ENTPD1: variants seen among roughly 807,000 people sequenced by gnomAD.
The protein encoded by ENTPD1 is ATP diphosphohydrolase.
In ENTPD1, 33 loss-of-function variants were observed where a neutral mutation model predicts 57.0. The ratio of observed to expected loss-of-function variants is 0.58; its 90% CI spans 0.44 to 0.77. The LOEUF (loss-of-function observed/expected upper bound fraction) is 0.77. Ranked by LOEUF, ENTPD1 falls within the 30% of genes least tolerant of loss-of-function variation. The pLI is 0.00. For missense variants in ENTPD1, 501 were observed against 603.4 expected (o/e 0.83, Z 1.78); for synonymous variants, 202 against 218.8 (o/e 0.92, Z 0.68).
intron 7 of ENTPD1, among the ~76,000 whole-genome samples, chr10:95,855,357 T>C (rs2098452575): frequency 6.6e-6 from 1 of 152,154 alleles, no homozygotes; most frequent in African/African-American, 2.4e-5. Flanking sequence ...GTTTCCTGAA[T>C]ACAGCACACT....
chr10:95,845,452 T>G lies in ENTPD1; in HGVS notation c.669T>G (p.Phe223Leu), dbSNP rs1467944521. ...GGGGAGCCTCTACACAAGTCACTTTTGTACCCCAAAACCAGACTATCGAGT... is the reference window on the plus strand; with the variant it reads ...GGGGAGCCTCTACACAAGTCACTTTGGTACCCCAAAACCAGACTATCGAGT... The part of the protein sequence containing the change: ...DLGGASTQVT[F>L]VPQNQTIESP... Residue 223 changes from phenylalanine to leucine, a missense_variant, in exon 6 of 10, where the codon TTT (phenylalanine) becomes TTG (leucine). Phe to Leu is a conservative substitution (Grantham distance 22). Transcript: ENST00000371205. The G allele has an allele frequency of 1.2e-6, 2 of 1,614,222 alleles. No individual in the cohort carries two copies. The highest frequency in any genetic ancestry group is 1.7e-6 in the Non-Finnish European group (2 of 1,180,040).
chr10:95,706,769 G>A, the ENTPD1 span, among the ~76,000 whole-genome samples: 3 of 152,168 alleles, frequency 2.0e-5, no homozygotes, highest in Non-Finnish European at 4.4e-5. Flanking sequence ...TCCCCACTCT[G>A]GTGTGTGGGA....
In ENTPD1 at chr10:95,807,948, A is replaced by G. The variant is rs573826887; in HGVS notation, c.17-15289A>G. On this transcript the variant is annotated intron_variant, in intron 1 of 9. Transcript: ENST00000371205. Reference sequence around the variant, plus strand: ...CTGATTGCCCTAACCAGGACATCCAATACTATGTTAAATAGGAGTGGTGAC... The same window carrying G: ...CTGATTGCCCTAACCAGGACATCCAGTACTATGTTAAATAGGAGTGGTGAC... Among the ~76,000 whole-genome samples, 13 of 152,288 alleles carry G rather than the reference A, an allele frequency of 8.5e-5. 1 individual carries two copies. Among genetic ancestry groups the G allele is most frequent in the South Asian group, 8.3e-4 (4 of 4,816 alleles).
At position 95,869,704 on chromosome 10, in the gene ENTPD1, G is replaced by T. The variant is rs1329999582; in HGVS notation, c.*3321G>T. 2.1e-5 allele frequency: 20 copies of T among 947,328 alleles called. No individual in the cohort carries two copies. The highest frequency in any genetic ancestry group is 6.2e-5 in the Admixed American group (1 of 16,224). 58.7% of individuals were successfully genotyped at this position (947,328 alleles called of 1,614,324 possible). A position where few individuals can be genotyped will look rare whatever the true frequency, so the allele number is the denominator to read the frequency against. On this transcript the variant is annotated 3_prime_UTR_variant, in exon 10 of 10. Coordinates refer to ENST00000371205, the MANE Select transcript of ENTPD1 (RefSeq NM_001776.6). Reference sequence around the variant, plus strand: ...TTTTAAAATTACACTTCATTTTAATGTTGTATCAGTCAAGGTCCCTGCAAG... The same window carrying T: ...TTTTAAAATTACACTTCATTTTAATTTTGTATCAGTCAAGGTCCCTGCAAG...
At chr10:95,768,677 T>G (rs1386392430) in intron 1 of ENTPD1, among the ~76,000 whole-genome samples, 5 of 152,206 alleles carry the variant, frequency 3.3e-5, no homozygotes, top group Admixed American at 2.0e-4. Flanking sequence ...TTGGCTTCCA[T>G]GAAATCTTTT....
chr10:95,718,518 A>G (rs2097974068), intron 1 of ENTPD1, among the ~76,000 whole-genome samples: 1 of 151,846 alleles, frequency 6.6e-6, no homozygotes, highest in Non-Finnish European at 1.5e-5. Flanking sequence ...ATAATCTCCT[A>G]ATGGCTTCCT....
intron 9 of ENTPD1, 52 bp from the exon 10 acceptor site, chr10:95,866,125 A>G (rs2098474050): frequency 1.3e-6 from 2 of 1,575,158 alleles, no homozygotes; most frequent in Non-Finnish European, 1.7e-6. Context: ...GCCCTAGGTG[A>G]TAACTCTTCT....
At chr10:95,837,236 T>C (rs1021515475) in intron 2 of ENTPD1, among the ~76,000 whole-genome samples, 3 of 152,236 alleles carry the variant, frequency 2.0e-5, no homozygotes, top group Non-Finnish European at 4.4e-5. Context: ...AGATAAATGC[T>C]GCTTGCTGCT....
At chr10:95,845,281 TC>T in intron 5 of ENTPD1, 75 bp from the exon 6 acceptor site, 1 of 1,605,844 alleles carries the variant, frequency 6.2e-7, no homozygotes, top group South Asian at 1.1e-5. Flanking sequence ...CCTTAGGAAA[TC>T]CCTGACTCCA....
At chr10:95,783,525 G>A (rs936943061) in intron 1 of ENTPD1, among the ~76,000 whole-genome samples, 7 of 152,084 alleles carry the variant, frequency 4.6e-5, no homozygotes, top group African/African-American at 9.7e-5. Context: ...ACTGGTCTGG[G>A]TTGTGTGAGC....
intron 1 of ENTPD1, among the ~76,000 whole-genome samples, chr10:95,770,493 G>T (rs1054527023): frequency 2.0e-5 from 3 of 152,154 alleles, no homozygotes; most frequent in African/African-American, 7.2e-5. Flanking sequence ...TTTAGGGATG[G>T]AAATATTTAC....
chr10:95,775,395 T>A (rs951175792), intron 1 of ENTPD1, among the ~76,000 whole-genome samples: 1 of 152,152 alleles, frequency 6.6e-6, no homozygotes, highest in Admixed American at 6.6e-5. Flanking sequence ...AGAGGGCATC[T>A]CTGTCTTGTG....
chr10:95,801,013 A>G (rs1225861238), intron 1 of ENTPD1, among the ~76,000 whole-genome samples: 2 of 152,210 alleles, frequency 1.3e-5, no homozygotes, highest in Non-Finnish European at 2.9e-5. Flanking sequence ...TGTCCATGAA[A>G]TCTTCACAAT....
At chr10:95,835,737 CTT>C (rs2098408134) in intron 2 of ENTPD1, among the ~76,000 whole-genome samples, 1 of 152,068 alleles carries the variant, frequency 6.6e-6, no homozygotes, top group Non-Finnish European at 1.5e-5. Flanking sequence ...TATGTCTTCT[CTT>C]GAGAAGTGTC....
chr10:95,840,233 T>C (rs912415735), intron 3 of ENTPD1, among the ~76,000 whole-genome samples: 1 of 152,242 alleles, frequency 6.6e-6, no homozygotes, highest in Non-Finnish European at 1.5e-5. Flanking sequence ...CAAACCAAGT[T>C]CTGCCCGACT....
Position 95,791,534 on chromosome 10 carries a change from T to C in ENTPD1, c.17-31703T>C, listed in dbSNP as rs575026558. On this transcript the variant is annotated intron_variant, in intron 1 of 9. Transcript: ENST00000371205. The surrounding 1 kb of genome is among the most constrained non-coding windows in gnomAD (Gnocchi z 4.1). ...AAGTTAGAATGAAACAGAACTTAGG[T>C]CAAGATAGATTGCTAACAGTTAGAC... Among the ~76,000 whole-genome samples, 1 of 152,288 alleles carries C rather than the reference T, an allele frequency of 6.6e-6. No individual in the cohort carries two copies. The highest frequency in any genetic ancestry group is 2.1e-4 in the South Asian group (1 of 4,824).
In ENTPD1 at chr10:95,869,970, GTAAAGT is replaced by G. The variant is rs1566267000; in HGVS notation, c.*3595_*3600del. 18 of 985,318 alleles carry G rather than the reference GTAAAGT, an allele frequency of 1.8e-5. No homozygotes were observed. Among genetic ancestry groups the G allele is most frequent in the Non-Finnish European group, 2.0e-5 (17 of 829,938 alleles). The allele number at this position is 985,318 out of a possible 1,614,324, so 61.0% of individuals were successfully genotyped here. A position where few individuals can be genotyped will look rare whatever the true frequency, so the allele number is the denominator to read the frequency against. On this transcript the variant is annotated 3_prime_UTR_variant, in exon 10 of 10. Transcript: ENST00000371205. Reference sequence around the variant, plus strand: ...ACAGCACATGTCCAAAAAAATACACGTAAAGTTAAAGTTTAAAAGACACAGGAACTA... The same window carrying G: ...ACAGCACATGTCCAAAAAAATACACGTAAAGTTTAAAAGACACAGGAACTA...
In ENTPD1 at chr10:95,876,664, A is replaced by G; in HGVS notation, c.*10281A>G. On this transcript the variant is annotated 3_prime_UTR_variant, in exon 10 of 10. Transcript: ENST00000371205. ...GCTGTCTTCTGGACAGGCCATTCTA[A>G]TAACAGAAACAAACAAGTTATTTTA... 8.2e-7 allele frequency: 1 copy of G among 1,225,748 alleles called. No individual in the cohort carries two copies. 75.9% of individuals were successfully genotyped at this position (1,225,748 alleles called of 1,614,324 possible).
chr10:95,774,096 AT>A (rs1409109370), intron 1 of ENTPD1, among the ~76,000 whole-genome samples: 2 of 152,170 alleles, frequency 1.3e-5, no homozygotes, highest in African/African-American at 4.8e-5. Flanking sequence ...GATGATGAGC[AT>A]TTTTTAATGT....
Sources: gnomAD v4.1 joint callset for allele counts (sites outside exome capture counted in the v4.1 genomes callset) on GRCh38, gnomAD v4.1.1 for gene constraint, Gnocchi (gnomAD v3.1) non-coding constraint, MANE v1.5 for transcripts, NCBI Gene and HGNC (gene_info 2026-07-23, HGNC 2026-07-21) for gene names.